Variants in SLC4A10 observed in about 807,000 individuals in gnomAD.
The protein encoded by SLC4A10 is sodium-driven chloride bicarbonate exchanger.
Under a neutral mutation model 137.7 loss-of-function variants are expected in SLC4A10, and 42 were observed. The ratio of observed to expected loss-of-function variants is 0.30; its 90% confidence interval spans 0.24 to 0.39. The LOEUF (loss-of-function observed/expected upper bound fraction) is 0.39, where lower values mean the gene tolerates loss of function less well. Ranked by LOEUF, SLC4A10 falls within the 10% of genes least tolerant of loss-of-function variation. The pLI is 1.00. For synonymous variants in SLC4A10, 474 were observed against 464.1 expected (o/e 1.02, Z -0.27); for missense variants, 925 against 1,355.0 (o/e 0.68, Z 4.98).
intron 15 of SLC4A10, among the ~76,000 whole-genome samples, chr2:161,924,473 A>G (rs913041206): frequency 2.0e-5 from 3 of 152,136 alleles, no homozygotes; most frequent in Non-Finnish European, 4.4e-5. Flanking sequence ...TTGGGTATAC[A>G]TGATATCTGT....
chr2:161,745,013 C>A (rs2048262412), intron 1 of SLC4A10, among the ~76,000 whole-genome samples: 2 of 152,048 alleles, frequency 1.3e-5, no homozygotes, highest in Admixed American at 6.6e-5. Context: ...TAATTTTTTG[C>A]ATGACAAGTC....
At chr2:161,790,533 T>A (rs901191914) in intron 2 of SLC4A10, among the ~76,000 whole-genome samples, 1 of 152,254 alleles carries the variant, frequency 6.6e-6, no homozygotes, top group African/African-American at 2.4e-5. Flanking sequence ...CCAGTGGAGT[T>A]AATTAATTAC....
At chr2:161,840,922 A>T (rs1298082277) in intron 4 of SLC4A10, among the ~76,000 whole-genome samples, 1 of 152,158 alleles carries the variant, frequency 6.6e-6, no homozygotes, top group Non-Finnish European at 1.5e-5. Context: ...GAAAGAGAGG[A>T]TCAGGGTAGC....
At position 161,653,076 on chromosome 2, in the gene SLC4A10, C is replaced by G. The variant is rs1262423178; in HGVS notation, c.48+28510C>G. On this transcript the variant is annotated intron_variant, in intron 1 of 26. Coordinates refer to ENST00000446997, the MANE Select transcript of SLC4A10 (RefSeq NM_001178015.2). Reference sequence around the variant, plus strand: ...TCCATGTTTTCTCATTGTTCAACTCCCACTTATGAATGAGAACACGTGGTG... The same window carrying G: ...TCCATGTTTTCTCATTGTTCAACTCGCACTTATGAATGAGAACACGTGGTG... 2.0e-5 allele frequency among the ~76,000 whole-genome samples: 3 copies of G among 152,208 alleles called. No homozygotes were observed. In the East Asian group the frequency reaches 5.8e-4, roughly 29 times the overall value.
intron 3 of SLC4A10, among the ~76,000 whole-genome samples, chr2:161,837,446 G>T (rs1237635209): frequency 6.6e-6 from 1 of 152,010 alleles, no homozygotes; most frequent in Non-Finnish European, 1.5e-5. Flanking sequence ...AATGAAAGAA[G>T]ACCTAAATAA....
intron 1 of SLC4A10, among the ~76,000 whole-genome samples, chr2:161,705,294 C>T (rs907817117): frequency 7.3e-5 from 11 of 151,440 alleles, no homozygotes; most frequent in African/African-American, 2.7e-4. Flanking sequence ...CTACTAATAA[C>T]TGACCTTGGG....
At chr2:161,731,621 T>G (rs2125184506) in intron 1 of SLC4A10, among the ~76,000 whole-genome samples, 1 of 152,230 alleles carries the variant, frequency 6.6e-6, no homozygotes, top group African/African-American at 2.4e-5. Flanking sequence ...CTAAAATTAG[T>G]TTAACTTATT....
chr2:161,714,874 A>G (rs1175277068), intron 1 of SLC4A10, among the ~76,000 whole-genome samples: 1 of 151,976 alleles, frequency 6.6e-6, no homozygotes, highest in African/African-American at 2.4e-5. Context: ...TACTTCAAAC[A>G]GTGCCTAGAG....
In SLC4A10 at chr2:161,830,063, A is replaced by C. The variant is rs138526670; in HGVS notation, c.278-9726A>C. ...GTGAGGACACAGCCCAACCATACCA[A>C]TTTCTTTCTATAGAATATACATTTA... is the stretch of plus-strand genomic sequence containing the variant. On this transcript the variant is annotated intron_variant, in intron 3 of 26. Coordinates refer to ENST00000446997, the MANE Select transcript of SLC4A10 (RefSeq NM_001178015.2). Among the ~76,000 whole-genome samples, 422 of 151,796 alleles carry C rather than the reference A, an allele frequency of 2.8e-3. 2 individuals are homozygous for C. The highest frequency in any genetic ancestry group is 9.5e-3 in the African/African-American group (395 of 41,396).
chr2:161,780,875 T>C (rs923267785), intron 2 of SLC4A10, among the ~76,000 whole-genome samples: 7 of 152,016 alleles, frequency 4.6e-5, no homozygotes, highest in African/African-American at 1.7e-4. Context: ...GATAATATGT[T>C]TAATAAAAAA....
chr2:161,856,372 C>CAA (rs1487120620), intron 5 of SLC4A10, among the ~76,000 whole-genome samples: 2 of 133,380 alleles, frequency 1.5e-5, no homozygotes, highest in African/African-American at 5.0e-5. Flanking sequence ...CACACACACA[C>CAA]ACACACACAC....
At chr2:161,946,092 AAAG>A (rs1488501554) in intron 16 of SLC4A10, among the ~76,000 whole-genome samples, 1 of 152,002 alleles carries the variant, frequency 6.6e-6, no homozygotes, top group African/African-American at 2.4e-5. Flanking sequence ...AAGCATTTTG[AAAG>A]AAGGAAAATT....
intron 3 of SLC4A10, among the ~76,000 whole-genome samples, chr2:161,831,203 T>A (rs2058414519): frequency 6.6e-6 from 1 of 152,212 alleles, no homozygotes; most frequent in African/African-American, 2.4e-5. Flanking sequence ...CACTATATTA[T>A]CATTGTGTGT....
chr2:161,808,151 A>G (rs2056186977), intron 3 of SLC4A10, among the ~76,000 whole-genome samples: 2 of 152,078 alleles, frequency 1.3e-5, no homozygotes, highest in African/African-American at 4.8e-5. Flanking sequence ...AATGTATATT[A>G]TTAGTTCTTT....
intron 1 of SLC4A10, among the ~76,000 whole-genome samples, chr2:161,663,224 G>A (rs539442787): frequency 6.6e-6 from 1 of 152,180 alleles, no homozygotes; most frequent in South Asian, 2.1e-4. Context: ...CAAATTAGAG[G>A]AAAACAGCCA....
At chr2:161,963,943 AT>A (rs1427255224) in intron 21 of SLC4A10, among the ~76,000 whole-genome samples, 191 bp from the exon 22 acceptor site, 4 of 152,140 alleles carry the variant, frequency 2.6e-5, no homozygotes, top group African/African-American at 9.7e-5. Flanking sequence ...AATGTGGGCT[AT>A]TGTTTAACTG....
At position 161,879,283 on chromosome 2, in the gene SLC4A10, A is replaced by G. The variant is rs778644975; in HGVS notation, c.1101A>G (p.Pro367=). 1.2e-6 allele frequency: 2 copies of G among 1,607,826 alleles called. No individual in the cohort carries two copies. ...LLQGLAEVPI[P]TRFLFILLGP... is the part of the protein sequence containing the mutation. ...AAGGACTGGCTGAAGTCCCAATCCCAACCAGGTAAAAAGTATAAAAGCGTC... is the reference window on the plus strand; with the variant it reads ...AAGGACTGGCTGAAGTCCCAATCCCGACCAGGTAAAAAGTATAAAAGCGTC... Residue 367 remains proline, a synonymous_variant, in exon 9 of 27, where the codon CCA becomes CCG. Coordinates refer to ENST00000446997, the MANE Select transcript of SLC4A10 (RefSeq NM_001178015.2).
At chr2:161,821,511 C>A (rs1454277661) in intron 3 of SLC4A10, among the ~76,000 whole-genome samples, 3 of 152,120 alleles carry the variant, frequency 2.0e-5, no homozygotes, top group Non-Finnish European at 2.9e-5. Flanking sequence ...CACCTATAAA[C>A]CCAGTTACTT....
At chr2:161,977,338 A>G in intron 25 of SLC4A10, 1 of 457,634 alleles carries the variant, frequency 2.2e-6, no homozygotes, top group Non-Finnish European at 4.4e-6. Flanking sequence ...AGTCTTCCCT[A>G]AACTTCTTAT....
Sources: gnomAD v4.1 joint callset for allele counts (sites outside exome capture counted in the v4.1 genomes callset) on GRCh38, gnomAD v4.1.1 for gene constraint, MANE v1.5 for transcripts, NCBI Gene and HGNC (gene_info 2026-07-23, HGNC 2026-07-21) for gene names.